The following DOCK4 variants were observed in gnomAD, a reference collection of about 807,000 sequenced individuals.
DOCK4 encodes the protein dedicator of cytokinesis protein 4.
In DOCK4, 97 loss-of-function variants were observed where a neutral mutation model predicts 268.1. The observed-to-expected ratio is 0.36, with a 90% confidence interval of 0.31 to 0.43. DOCK4 has a LOEUF of 0.43. DOCK4 is among the 20% of genes least tolerant of loss of function. The probability of loss-of-function intolerance (pLI) is 1.00; values close to 1 mark genes in which losing one functional copy is unlikely to be tolerated. For synonymous variants in DOCK4, 954 were observed against 887.2 expected, an observed-to-expected ratio of 1.08 and a Z score of -1.34; for missense variants, 2,145 against 2,455.7, an observed-to-expected ratio of 0.87 and a Z score of 2.67.
intron 1 of DOCK4, among the ~76,000 whole-genome samples, chr7:112,156,516 C>A (rs772917860): frequency 6.6e-6 from 1 of 152,132 alleles, no homozygotes; most frequent in Non-Finnish European, 1.5e-5. Context: ...TCTTATCTTA[C>A]CAAGCATGAC....
At chr7:112,079,636 T>A (rs961605869) in intron 1 of DOCK4, among the ~76,000 whole-genome samples, 1 of 152,208 alleles carries the variant, frequency 6.6e-6, no homozygotes, top group Non-Finnish European at 1.5e-5. Context: ...ACTTTAAAAC[T>A]ATGAAAGCTC....
At chr7:111,760,944 T>A (rs573557530) in intron 39 of DOCK4, among the ~76,000 whole-genome samples, 5 of 152,144 alleles carry the variant, frequency 3.3e-5, no homozygotes, top group Admixed American at 1.3e-4. Context: ...GAAGTTGTAA[T>A]TGAGCACAGT....
At chr7:111,994,094 T>C in intron 5 of DOCK4, 41 bp downstream of exon 5, 1 of 1,361,752 alleles carries the variant, frequency 7.3e-7, no homozygotes, top group Non-Finnish European at 1.0e-6. Flanking sequence ...CTTAAAACAA[T>C]TCTTTACCCG....
intron 23 of DOCK4, among the ~76,000 whole-genome samples, chr7:111,847,699 T>C (rs1270022778): frequency 3.9e-5 from 6 of 152,198 alleles, no homozygotes; most frequent in African/African-American, 1.4e-4. Context: ...TTCTCTCTTC[T>C]CTGCCACCAT....
intron 1 of DOCK4, among the ~76,000 whole-genome samples, chr7:112,182,046 C>G (rs1819097870): frequency 6.6e-6 from 1 of 152,132 alleles, no homozygotes; most frequent in Non-Finnish European, 1.5e-5. Flanking sequence ...ACTGTGCATT[C>G]TAGAGTCACA....
At chr7:111,825,402 C>T (rs1802318313) in intron 26 of DOCK4, among the ~76,000 whole-genome samples, 1 of 139,298 alleles carries the variant, frequency 7.2e-6, no homozygotes, top group South Asian at 2.6e-4. Flanking sequence ...ACCCAAAATA[C>T]AGTGGTATTT....
At chr7:111,959,892 C>A (rs1796730057) in intron 8 of DOCK4, among the ~76,000 whole-genome samples, 1 of 152,154 alleles carries the variant, frequency 6.6e-6, no homozygotes, top group Middle Eastern at 3.2e-3. Flanking sequence ...CTAAGCACAT[C>A]CAGCAAAAGC....
chr7:111,885,205 G>C (rs972449043), intron 16 of DOCK4, among the ~76,000 whole-genome samples: 2 of 152,156 alleles, frequency 1.3e-5, no homozygotes, highest in African/African-American at 4.8e-5. Flanking sequence ...AGCAATACAG[G>C]CTCAACAGCA....
chr7:112,067,686 CG>C (rs1286052532), intron 1 of DOCK4, among the ~76,000 whole-genome samples: 34 of 152,286 alleles, frequency 2.2e-4, no homozygotes, highest in Non-Finnish European at 4.9e-4. Flanking sequence ...CTAGAACTTA[CG>C]GCTTTGACTT....
rs1012051757 is a variant in DOCK4 at position 111,963,400 on chromosome 7, G to C, written c.701+13732C>G. On this transcript the variant is annotated intron_variant, in intron 8 of 52. Transcript: ENST00000428084. ...CGAGGCATTGCCTCACCTGGGAAGC[G>C]CAAGGGGTCAGGGAGTTCCCTTTCT... is the stretch of plus-strand genomic sequence containing the variant. Among the ~76,000 whole-genome samples the C allele has an allele frequency of 5.5e-5, 7 of 127,296 alleles. No individual in the cohort carries two copies. In the East Asian group the frequency reaches 1.3e-3, roughly 24 times the overall value. 83.5% of individuals were successfully genotyped at this position (127,296 alleles called of 152,430 possible).
chr7:111,994,830 A>G (rs1287104540), intron 4 of DOCK4, among the ~76,000 whole-genome samples: 1 of 152,184 alleles, frequency 6.6e-6, no homozygotes, highest in Non-Finnish European at 1.5e-5. Context: ...CATAGAACTT[A>G]TGGCTTATGA....
chr7:112,059,134 C>CTTTTTT lies in DOCK4; in HGVS notation c.38-55009_38-55004dup, dbSNP rs572050793. On this transcript the variant is annotated intron_variant, in intron 1 of 52. Coordinates refer to ENST00000428084, the MANE Select transcript of DOCK4 (RefSeq NM_001363540.2). ...TCATAAAATTATACTGCAGCATTTC[C>CTTTTTT]TTTTTTTTTTTTTTTTTTTTTTTTT... 4.1e-3 allele frequency among the ~76,000 whole-genome samples: 405 copies of CTTTTTT among 98,992 alleles called. 25 individuals are homozygous for CTTTTTT. Among genetic ancestry groups the CTTTTTT allele is most frequent in the African/African-American group, 0.017 (334 of 20,014 alleles). 64.9% of individuals were successfully genotyped at this position (98,992 alleles called of 152,430 possible).
chr7:111,876,504 T>C (rs1586242043), intron 17 of DOCK4, among the ~76,000 whole-genome samples: 3 of 152,228 alleles, frequency 2.0e-5, no homozygotes, highest in East Asian at 3.9e-4. Flanking sequence ...ATGACAACGA[T>C]AAAAAACTCA....
chr7:112,059,614 A>G (rs1303477187), intron 1 of DOCK4, among the ~76,000 whole-genome samples: 1 of 152,350 alleles, frequency 6.6e-6, no homozygotes, highest in East Asian at 1.9e-4. Context: ...AAAATCAGAG[A>G]ATTTTAGATA....
chr7:111,791,461 T>C (rs1264906728), intron 30 of DOCK4, among the ~76,000 whole-genome samples: 1 of 151,876 alleles, frequency 6.6e-6, no homozygotes, highest in East Asian at 1.9e-4. Flanking sequence ...TTTTTTGTTT[T>C]TTTTTTGACA....
chr7:111,733,423 G>A (rs1795246958), intron 51 of DOCK4, among the ~76,000 whole-genome samples: 1 of 152,134 alleles, frequency 6.6e-6, no homozygotes, highest in South Asian at 2.1e-4. Context: ...TGAATGCTGG[G>A]GCATGCTGTC....
In DOCK4 at chr7:112,034,921, A is replaced by C. The variant is rs189741855; in HGVS notation, c.38-30790T>G. 4.8e-3 allele frequency among the ~76,000 whole-genome samples: 726 copies of C among 152,010 alleles called. 5 individuals carry two copies. The highest frequency in any genetic ancestry group is 6.8e-3 in the Middle Eastern group (2 of 292). ...TCAGTCTCAAAACAAACAAACAAACAAAAAAAACAACTTAAAGGAGAAAGA... is the reference window on the plus strand; with the variant it reads ...TCAGTCTCAAAACAAACAAACAAACCAAAAAAACAACTTAAAGGAGAAAGA... On this transcript the variant is annotated intron_variant, in intron 1 of 52. Coordinates refer to ENST00000428084, the MANE Select transcript of DOCK4 (RefSeq NM_001363540.2).
intron 16 of DOCK4, among the ~76,000 whole-genome samples, chr7:111,886,745 T>C (rs149178091): frequency 2.6e-5 from 4 of 152,114 alleles, no homozygotes; most frequent in Non-Finnish European, 5.9e-5. Context: ...AAAAATGACA[T>C]TCGTGGGAAA....
At chr7:111,940,355 G>T (rs1045920885) in intron 10 of DOCK4, 113 bp from the exon 11 acceptor site, 11 of 1,392,482 alleles carry the variant, frequency 7.9e-6, no homozygotes, top group South Asian at 1.3e-5. Context: ...GGGCAATAAA[G>T]AGCACCCAGG....
Sources: allele counts gnomAD v4.1 joint callset (sites outside exome capture counted in the v4.1 genomes callset), GRCh38; gene constraint gnomAD v4.1.1; transcripts MANE v1.5; gene names NCBI Gene and HGNC (gene_info 2026-07-23, HGNC 2026-07-21).